Variants in STT3B observed in about 807,000 individuals in gnomAD.
STT3B encodes STT3 oligosaccharyltransferase complex catalytic subunit B.
In STT3B, 29 loss-of-function variants were observed where a neutral mutation model predicts 96.8. That is an observed-to-expected ratio of 0.30 (90% CI 0.22 to 0.41). The LOEUF is 0.41. Among genes scored for constraint, STT3B ranks in the 10% least tolerant of loss-of-function variants. The pLI is 1.00. For missense variants in STT3B, 640 were observed against 1,022.3 expected (o/e 0.63, Z 5.10); for synonymous variants, 367 against 360.0 (o/e 1.02, Z -0.22).
At chr3:31,612,225 A>T (rs1206571831) in intron 5 of STT3B, among the ~76,000 whole-genome samples, 1 of 152,216 alleles carries the variant, frequency 6.6e-6, no homozygotes, top group Non-Finnish European at 1.5e-5. Context: ...GGATATTCAA[A>T]TTGTGTCTAT....
At chr3:31,543,036 A>G (rs1199090107) in intron 1 of STT3B, among the ~76,000 whole-genome samples, 1 of 133,716 alleles carries the variant, frequency 7.5e-6, no homozygotes, top group Non-Finnish European at 1.5e-5. Flanking sequence ...ACTGCACTCC[A>G]GACTGGGCAA....
At position 31,615,100 on chromosome 3, in the gene STT3B, T is replaced by A. The variant is rs1275876105; in HGVS notation, c.878-5T>A. On this transcript the variant is annotated splice_region_variant and splice_polypyrimidine_tract_variant and intron_variant, in intron 5 of 15. Transcript: ENST00000295770. ...TTATCCTTGTTTCCTATTTTGTCTTTATAGCATATAGCACTTTCTACATTG... is the reference window on the plus strand; with the variant it reads ...TTATCCTTGTTTCCTATTTTGTCTTAATAGCATATAGCACTTTCTACATTG... 6.3e-7 allele frequency: 1 copy of A among 1,576,256 alleles called. No individual in the cohort carries two copies. Among genetic ancestry groups the A allele is most frequent in the African/African-American group, 1.4e-5 (1 of 73,626 alleles).
chr3:31,553,097 G>A lies in STT3B; in HGVS notation c.314+19785G>A, dbSNP rs192211268. On this transcript the variant is annotated intron_variant, in intron 1 of 15. Transcript: ENST00000295770. ...AGCCTGGGCGACAGAGCGAAACTCCGTCTCAAAAAAAAAAAAAAAAAACCA... is the reference window on the plus strand; with the variant it reads ...AGCCTGGGCGACAGAGCGAAACTCCATCTCAAAAAAAAAAAAAAAAAACCA... Among the ~76,000 whole-genome samples, 994 of 131,082 alleles carry A rather than the reference G, an allele frequency of 7.6e-3. 14 individuals carry two copies. Among genetic ancestry groups the A allele is most frequent in the African/African-American group, 0.028 (902 of 32,344 alleles). 86.0% of individuals were successfully genotyped at this position (131,082 alleles called of 152,430 possible). A position where few individuals can be genotyped will look rare whatever the true frequency, so the allele number is the denominator to read the frequency against.
intron 3 of STT3B, among the ~76,000 whole-genome samples, chr3:31,583,026 A>G (rs1018146979): frequency 6.6e-6 from 1 of 152,166 alleles, no homozygotes; most frequent in Non-Finnish European, 1.5e-5. Context: ...TCGTTATTCA[A>G]TAATGTGTTT....
intron 5 of STT3B, among the ~76,000 whole-genome samples, chr3:31,604,451 A>C (rs1056666846): frequency 1.3e-5 from 2 of 152,302 alleles, no homozygotes; most frequent in Non-Finnish European, 1.5e-5. Context: ...CATTAAAAAA[A>C]GAAAAGTTCC....
At chr3:31,630,189 G>A (rs1699624933) in intron 14 of STT3B, among the ~76,000 whole-genome samples, 2 of 152,174 alleles carry the variant, frequency 1.3e-5, no homozygotes, top group African/African-American at 2.4e-5. Flanking sequence ...TTTAGAAGCA[G>A]CAAACAGAGA....
At chr3:31,598,455 G>C (rs1698843308) in intron 4 of STT3B, among the ~76,000 whole-genome samples, 1 of 152,136 alleles carries the variant, frequency 6.6e-6, no homozygotes, top group African/African-American at 2.4e-5. Context: ...CAAGTAAAGA[G>C]TTAACTAAAA....
At chr3:31,624,216 A>G (rs1381093533) in intron 11 of STT3B, among the ~76,000 whole-genome samples, 1 of 152,066 alleles carries the variant, frequency 6.6e-6, no homozygotes, top group Non-Finnish European at 1.5e-5. Flanking sequence ...CCCGTTAACC[A>G]TCCCCGTGCA....
chr3:31,550,892 G>C (rs1438661210), intron 1 of STT3B, among the ~76,000 whole-genome samples: 1 of 152,058 alleles, frequency 6.6e-6, no homozygotes, highest in Non-Finnish European at 1.5e-5. Flanking sequence ...GCAATAAAAG[G>C]TAGATTGAAA....
At chr3:31,586,864 T>G (rs1698551038) in intron 3 of STT3B, among the ~76,000 whole-genome samples, 1 of 152,164 alleles carries the variant, frequency 6.6e-6, no homozygotes, top group Admixed American at 6.6e-5. Flanking sequence ...GTTTGCATCA[T>G]GTAAATTTTA....
At chr3:31,610,126 T>C (rs1699150336) in intron 5 of STT3B, among the ~76,000 whole-genome samples, 1 of 152,240 alleles carries the variant, frequency 6.6e-6, no homozygotes, top group Non-Finnish European at 1.5e-5. Context: ...TTTTATTCTT[T>C]AATCCATGTT....
intron 1 of STT3B, among the ~76,000 whole-genome samples, chr3:31,558,862 G>T (rs1244339438): frequency 8.2e-6 from 1 of 121,740 alleles, no homozygotes; most frequent in African/African-American, 4.1e-5. Context: ...GGTCTGTTCA[G>T]GTTTTTTTTT....
At position 31,580,095 on chromosome 3, in the gene STT3B, G is replaced by A; in HGVS notation, c.710G>A (p.Trp237Ter). Residue 237 changes from tryptophan to a stop codon, truncating the protein, a stop_gained and splice_region_variant, in exon 3 of 16, where the codon TGG (tryptophan) becomes TAG (stop). Transcript: ENST00000295770. LOFTEE classifies it high-confidence loss of function. ...GCACTTCAGTTCACATACTATTTATGGGTAAGTGACATTTAATGTTTTGCT... is the reference window on the plus strand; with the variant it reads ...GCACTTCAGTTCACATACTATTTATAGGTAAGTGACATTTAATGTTTTGCT... ...IFALQFTYYL[W>*]VKSVKTGSVF... The A allele has an allele frequency of 6.2e-7, 1 of 1,606,732 alleles. No homozygotes were observed. Among genetic ancestry groups the A allele is most frequent in the Non-Finnish European group, 8.5e-7 (1 of 1,174,198 alleles).
chr3:31,576,199 G>A (rs900809682), intron 1 of STT3B, among the ~76,000 whole-genome samples, 197 bp from the exon 2 acceptor site: 1 of 152,020 alleles, frequency 6.6e-6, no homozygotes, highest in African/African-American at 2.4e-5. Context: ...AGTTTTGTAG[G>A]TGTGGGTTTG....
chr3:31,607,599 T>C (rs1699081584), intron 5 of STT3B, among the ~76,000 whole-genome samples: 1 of 152,218 alleles, frequency 6.6e-6, no homozygotes, highest in South Asian at 2.1e-4. Flanking sequence ...CTTTGTAAAT[T>C]GCCTAGTCTC....
At chr3:31,554,748 A>G (rs1262273162) in intron 1 of STT3B, among the ~76,000 whole-genome samples, 1 of 152,180 alleles carries the variant, frequency 6.6e-6, no homozygotes, top group African/African-American at 2.4e-5. Context: ...TTTTCATCAG[A>G]TTCTTACAGA....
chr3:31,574,431 G>T (rs1349087170), intron 1 of STT3B, among the ~76,000 whole-genome samples: 1 of 152,054 alleles, frequency 6.6e-6, no homozygotes, highest in Admixed American at 6.6e-5. Flanking sequence ...AGCCTTTTAA[G>T]CCTTTAGATA....
chr3:31,564,071 T>C (rs1186576452), intron 1 of STT3B, among the ~76,000 whole-genome samples: 2 of 152,172 alleles, frequency 1.3e-5, no homozygotes, highest in African/African-American at 4.8e-5. Flanking sequence ...TACGGGAGTA[T>C]TCCCTGAATG....
intron 1 of STT3B, among the ~76,000 whole-genome samples, chr3:31,550,984 T>C (rs959702324): frequency 8.5e-5 from 13 of 152,178 alleles, no homozygotes; most frequent in African/African-American, 3.1e-4. Flanking sequence ...TTTGGGTATA[T>C]ATGAAGTGTT....
Sources: allele counts gnomAD v4.1 joint callset (sites outside exome capture counted in the v4.1 genomes callset), GRCh38; gene constraint gnomAD v4.1.1; transcripts MANE v1.5; gene names NCBI Gene and HGNC (gene_info 2026-07-23, HGNC 2026-07-21).